MYO18A: variants seen among roughly 807,000 people sequenced by gnomAD.
MYO18A encodes unconventional myosin-XVIIIa.
MYO18A carries 78 observed loss-of-function variants against 235.8 expected under a neutral mutation model. That is an observed-to-expected ratio of 0.33 (90% CI 0.28 to 0.40). MYO18A has a LOEUF of 0.40. Ranked by LOEUF, MYO18A falls within the 10% of genes least tolerant of loss-of-function variation. MYO18A has a pLI of 1.00. For synonymous variants in MYO18A, 977 were observed against 1,077.8 expected (o/e 0.91, Z 1.83); for missense variants, 2,215 against 2,699.3 (o/e 0.82, Z 3.98).
chr17:29,159,606 T>C (rs1264082326), intron 2 of MYO18A, among the ~76,000 whole-genome samples: 3 of 152,196 alleles, frequency 2.0e-5, no homozygotes, highest in African/African-American at 7.2e-5. Context: ...AGCACACAGC[T>C]GCTCCACCAC....
chr17:29,136,910 AG>A (rs1370180249), intron 2 of MYO18A: 1 of 152,250 alleles, frequency 6.6e-6, no homozygotes, highest in Non-Finnish European at 1.5e-5. Flanking sequence ...ATGTGCAAAA[AG>A]GGAGACCCCA....
In MYO18A at chr17:29,158,137, C is replaced by T. The variant is rs1408155995; in HGVS notation, c.999+7805G>A. 3.9e-5 allele frequency among the ~76,000 whole-genome samples: 6 copies of T among 152,072 alleles called. No homozygotes were observed. The South Asian group carries it at 6.2e-4, about 16-fold the overall frequency. On this transcript the variant is annotated intron_variant, in intron 2 of 41. Transcript: ENST00000527372. This position sits in a 1 kb window ranked among gnomAD's most constrained non-coding sequence, Gnocchi z 4.3. The stretch of plus-strand genomic sequence containing the variant: ...GATCAATTAAACACCACCTAGGGCA[C>T]GTGTCTACACTATGCACCATACTGA...
In MYO18A at chr17:29,115,030, A is replaced by T. The variant is rs1235864954; in HGVS notation, c.2388T>A (p.Pro796=). 2 of 1,613,748 alleles carry T rather than the reference A, an allele frequency of 1.2e-6. No homozygotes were observed. Among genetic ancestry groups the T allele is most frequent in the East Asian group, 2.2e-5 (1 of 44,768 alleles). Residue 796 remains proline (P), a synonymous_variant, in exon 14 of 42, where the codon CCT becomes CCA. Coordinates refer to ENST00000527372, the MANE Select transcript of MYO18A (RefSeq NM_078471.4). The part of the protein sequence containing the change: ...MIVDTPGFQN[P]EQGGSARGAS... ...CTCCGCGGGCTGACCCACCCTGCTC[A>T]GGGTTCTGGAAGCCCGGGGTGTCGA...
intron 11 of MYO18A, among the ~76,000 whole-genome samples, chr17:29,116,156 C>CA (rs2067054502): frequency 1.3e-5 from 2 of 152,216 alleles, no homozygotes; most frequent in Non-Finnish European, 2.9e-5. Flanking sequence ...AGGGCGGAGT[C>CA]AGAGGATGAA....
rs184162418 is a variant in MYO18A at position 29,096,694 on chromosome 17, G to A, written c.4385+67C>T. On this transcript the variant is annotated intron_variant, in intron 28 of 41. Coordinates refer to ENST00000527372, the MANE Select transcript of MYO18A (RefSeq NM_078471.4). ...CTTCCTTCTTTCCTCCCTGGAGGGC[G>A]AGGAGGCAGTCCTGTCTGTGGCTGC... 1,139 of 1,453,556 alleles carry A rather than the reference G, an allele frequency of 7.8e-4. 10 individuals are homozygous for A. The African/African-American group carries it at 0.014, about 18-fold the overall frequency. The allele number at this position is 1,453,556 out of a possible 1,614,324, so 90.0% of individuals were successfully genotyped here.
At chr17:29,086,750 C>T (rs1250148800) in intron 38 of MYO18A, 173 bp from the exon 39 acceptor site, 13 of 1,129,396 alleles carry the variant, frequency 1.2e-5, no homozygotes, top group African/African-American at 1.6e-5. Flanking sequence ...CAAGCCTCAT[C>T]TGAGGGAGTC....
At position 29,120,597 on chromosome 17, in the gene MYO18A, T is replaced by C; in HGVS notation, c.1728+19A>G. 1 of 1,610,478 alleles carries C rather than the reference T, an allele frequency of 6.2e-7. No homozygotes were observed. Among genetic ancestry groups the C allele is most frequent in the Non-Finnish European group, 8.5e-7 (1 of 1,178,056 alleles). Reference sequence around the variant, plus strand: ...GTGGCCTGTGTCCTACTACCCCGAGTCCTGGGCAGCACTCTCACCTGAATG... The same window carrying C: ...GTGGCCTGTGTCCTACTACCCCGAGCCCTGGGCAGCACTCTCACCTGAATG... On this transcript the variant is annotated intron_variant, in intron 7 of 41. Coordinates refer to ENST00000527372, the MANE Select transcript of MYO18A (RefSeq NM_078471.4). This position sits in a 1 kb window ranked among gnomAD's most constrained non-coding sequence, Gnocchi z 4.2.
chr17:29,121,708 A>G lies in MYO18A; in HGVS notation c.1210T>C (p.Cys404Arg). 6.4e-7 allele frequency: 1 copy of G among 1,569,034 alleles called. No individual in the cohort carries two copies. Among genetic ancestry groups the G allele is most frequent in the East Asian group, 2.4e-5 (1 of 41,948 alleles). Residue 404 changes from cysteine to arginine, a missense_variant, in exon 5 of 42, where the codon TGC (cysteine) becomes CGC (arginine). Coordinates refer to ENST00000527372, the MANE Select transcript of MYO18A (RefSeq NM_078471.4). The surrounding 1 kb of genome is among the most constrained non-coding windows in gnomAD (Gnocchi z 4.2). ...DDVEKANAPS[C>R]DRLEDLASLV... Reference sequence around the variant, plus strand: ...GAGGCCAGATCCTCCAGACGGTCGCAGGAGGGAGCATTAGCCTGTGTGGGA... The same window carrying G: ...GAGGCCAGATCCTCCAGACGGTCGCGGGAGGGAGCATTAGCCTGTGTGGGA...
At position 29,121,520 on chromosome 17, in the gene MYO18A, T is replaced by C. The variant is rs769830623; in HGVS notation, c.1371+27A>G. On this transcript the variant is annotated intron_variant, in intron 5 of 41. Coordinates refer to ENST00000527372, the MANE Select transcript of MYO18A (RefSeq NM_078471.4). This position sits in a 1 kb window ranked among gnomAD's most constrained non-coding sequence, Gnocchi z 4.2. ...AGGGCAGGGGGTGGGACCAGGAGTC[T>C]GCAGGGTAGCCTTGAGGGTGCTGCA... 1 of 1,576,054 alleles carries C rather than the reference T, an allele frequency of 6.3e-7. No individual in the cohort carries two copies. Among genetic ancestry groups the C allele is most frequent in the South Asian group, 1.2e-5 (1 of 86,620 alleles).
intron 28 of MYO18A, among the ~76,000 whole-genome samples, chr17:29,095,472 C>T (rs1271360825): frequency 2.0e-5 from 3 of 152,252 alleles, no homozygotes; most frequent in Admixed American, 2.0e-4. Context: ...GGTTCGACAA[C>T]TGTAAGGGCA....
chr17:29,079,899 G>A, intron 41 of MYO18A: 2 of 985,908 alleles, frequency 2.0e-6, no homozygotes, highest in Non-Finnish European at 2.4e-6. Context: ...CGGTCGAGCC[G>A]CTGGATGACG....
chr17:29,111,840 G>A lies in MYO18A; in HGVS notation c.2622C>T (p.Asp874=), dbSNP rs114860557. ...ATAGCCAGAGCAGGCCCCTCGCCTC[G>A]TCTGTGCGGGCCAGCGAGCGGACCT... ...QSLVRSLART[D]EARGLLWLLE... is the part of the protein sequence containing the mutation. Residue 874 remains aspartate, a synonymous_variant, in exon 16 of 42, where the codon GAC becomes GAT. Coordinates refer to ENST00000527372, the MANE Select transcript of MYO18A (RefSeq NM_078471.4). This position sits in a 1 kb window ranked among gnomAD's most constrained non-coding sequence, Gnocchi z 5.1. 2.3e-4 allele frequency: 368 copies of A among 1,613,592 alleles called. No individual in the cohort carries two copies. The African/African-American group carries it at 2.9e-3, about 13-fold the overall frequency.
rs554906425 is a variant in MYO18A at position 29,113,614 on chromosome 17, G to A, written c.2598+397C>T. On this transcript the variant is annotated intron_variant, in intron 15 of 41. Transcript: ENST00000527372. The stretch of plus-strand genomic sequence containing the variant: ...CTACTTGGGGACAATGGGAGGGAAT[G>A]ACTATGTCCTTGGGGTCTAGGCCCT... Among the ~76,000 whole-genome samples, 19 of 152,296 alleles carry A rather than the reference G, an allele frequency of 1.2e-4. No individual in the cohort carries two copies. The South Asian group carries it at 3.5e-3, about 28-fold the overall frequency.
At chr17:29,090,176 A>C in intron 36 of MYO18A, 78 bp from the exon 37 acceptor site, 5 of 1,484,416 alleles carry the variant, frequency 3.4e-6, no homozygotes, top group African/African-American at 1.4e-5. Flanking sequence ...AGGCAATATC[A>C]CCACAGTGAC....
chr17:29,166,605 G>A lies in MYO18A; in HGVS notation c.336C>T (p.Ser112=). The change falls in exon 2 of 42, where the codon AGC becomes AGT. Residue 112 remains serine (S), a synonymous_variant. Transcript: ENST00000527372. The part of the protein sequence containing the change: ...SSDDLKGEEG[S]FRGSVLQRAA... ...CCCGCTGCAGCACCGAGCCACGGAA[G>A]CTACCCTCCTCACCCTTGAGGTCAT... 2 of 1,613,928 alleles carry A rather than the reference G, an allele frequency of 1.2e-6. No individual in the cohort carries two copies. The highest frequency in any genetic ancestry group is 1.7e-6 in the Non-Finnish European group (2 of 1,179,882).
At chr17:29,131,552 C>T (rs145271239) in intron 2 of MYO18A, 16 of 397,828 alleles carry the variant, frequency 4.0e-5, no homozygotes, top group African/African-American at 3.3e-4. Flanking sequence ...GGTGGAGCTC[C>T]TGAGTCTTTA....
At chr17:29,085,720 G>T in intron 39 of MYO18A, 72 bp from the exon 40 acceptor site, 1 of 1,506,684 alleles carries the variant, frequency 6.6e-7, no homozygotes, top group Non-Finnish European at 9.2e-7. Context: ...AACCCAAGGT[G>T]GACCCCTTAG....
Position 29,125,956 on chromosome 17 carries a change from G to A in MYO18A, c.1000-3703C>T. On this transcript the variant is annotated intron_variant, in intron 2 of 41. Coordinates refer to ENST00000527372, the MANE Select transcript of MYO18A (RefSeq NM_078471.4). This position sits in a 1 kb window ranked among gnomAD's most constrained non-coding sequence, Gnocchi z 5.1. The stretch of plus-strand genomic sequence containing the variant: ...CTTCCACGGGGGTCAGCTGGACCTT[G>A]GCAGCTCCTGCCTAAAGGTTAAACC... The A allele has an allele frequency of 1.0e-6, 1 of 985,608 alleles. No homozygotes were observed. Among genetic ancestry groups the A allele is most frequent in the African/African-American group, 1.7e-5 (1 of 57,334 alleles). The allele number at this position is 985,608 out of a possible 1,614,324, so 61.1% of individuals were successfully genotyped here. A position where few individuals can be genotyped will look rare whatever the true frequency, so the allele number is the denominator to read the frequency against.
At chr17:29,078,841 A>C (rs1326785808) in intron 41 of MYO18A, 2 of 152,204 alleles carry the variant, frequency 1.3e-5, no homozygotes, top group African/African-American at 4.8e-5. Context: ...AGCCAGGGGG[A>C]GGCTGTCACT....
Sources: gnomAD v4.1 joint callset for allele counts (sites outside exome capture counted in the v4.1 genomes callset) on GRCh38, gnomAD v4.1.1 for gene constraint, Gnocchi (gnomAD v3.1) non-coding constraint, MANE v1.5 for transcripts, NCBI Gene and HGNC (gene_info 2026-07-23, HGNC 2026-07-21) for gene names.